The following FAM184B variants were observed in gnomAD, a reference collection of about 807,000 sequenced individuals.
FAM184B encodes family with sequence similarity 184 member B, also known as protein FAM184B.
A neutral mutation model predicts 135.9 loss-of-function variants in FAM184B; 111 were observed. The ratio of observed to expected loss-of-function variants is 0.82; its 90% CI spans 0.70 to 0.96. FAM184B has a LOEUF of 0.96. FAM184B is among the 40% of genes least tolerant of loss of function. The probability of loss-of-function intolerance (pLI) is 0.00; values close to 1 mark genes in which losing one functional copy is unlikely to be tolerated. For synonymous variants in FAM184B, 552 were observed against 524.8 expected, an observed-to-expected ratio of 1.05 and a Z score of -0.71; for missense variants, 1,375 against 1,323.9, an observed-to-expected ratio of 1.04 and a Z score of -0.60.
intron 7 of FAM184B, among the ~76,000 whole-genome samples, chr4:17,677,970 TC>T (rs35859724): frequency 0.51 from 77,923 of 151,994 alleles, 22,799 homozygotes; most frequent in East Asian, 0.82. Flanking sequence ...AAATCCAGCA[TC>T]CCTTTATGGT....
intron 9 of FAM184B, among the ~76,000 whole-genome samples, chr4:17,659,440 T>C (rs1255048141): frequency 1.3e-5 from 2 of 151,770 alleles, no homozygotes; most frequent in South Asian, 2.1e-4. Flanking sequence ...GGTTTGTGCA[T>C]TGATGAATCA....
intron 1 of FAM184B, among the ~76,000 whole-genome samples, chr4:17,725,599 C>T (rs1717621703): frequency 6.6e-6 from 1 of 152,028 alleles, no homozygotes; most frequent in Non-Finnish European, 1.5e-5. Flanking sequence ...TGGGAAGTTG[C>T]CAGTGTGGGT....
At chr4:17,749,949 C>T (rs750301518) in intron 1 of FAM184B, among the ~76,000 whole-genome samples, 3 of 152,004 alleles carry the variant, frequency 2.0e-5, no homozygotes, top group Non-Finnish European at 4.4e-5. Flanking sequence ...TGCTTAACAC[C>T]AATATAAAAT....
At chr4:17,685,573 A>C (rs1252416243) in intron 7 of FAM184B, among the ~76,000 whole-genome samples, 1 of 151,394 alleles carries the variant, frequency 6.6e-6, no homozygotes, top group Non-Finnish European at 1.5e-5. Context: ...AAAAAAAAAA[A>C]AAAAAAGACT....
At chr4:17,725,585 G>T (rs1339285923) in intron 1 of FAM184B, among the ~76,000 whole-genome samples, 2 of 152,108 alleles carry the variant, frequency 1.3e-5, no homozygotes, top group African/African-American at 4.8e-5. Flanking sequence ...TGAAGGTGAG[G>T]GTCTGGGAAG....
intron 8 of FAM184B, 46 bp downstream of exon 8, chr4:17,664,516 G>A: frequency 7.3e-7 from 1 of 1,362,880 alleles, no homozygotes; most frequent in South Asian, 1.3e-5. Flanking sequence ...CCACATCTGA[G>A]TCCTCATTCA....
chr4:17,653,236 CT>C (rs1560168491), intron 10 of FAM184B, among the ~76,000 whole-genome samples: 5 of 152,182 alleles, frequency 3.3e-5, no homozygotes, highest in African/African-American at 1.2e-4. Context: ...ATCAAAGTTC[CT>C]TTAATGTAAA....
In FAM184B at chr4:17,630,178, A is replaced by G. The variant is rs1211463132; in HGVS notation, c.*2354T>C. ...AAAGTGCAGCCTGGGAAAGTGTTTC[A>G]ACACACAAAAATAGAACCACCTGTA... On this transcript the variant is annotated 3_prime_UTR_variant, in exon 18 of 18. Coordinates refer to ENST00000265018, the MANE Select transcript of FAM184B (RefSeq NM_015688.2). The G allele has an allele frequency of 6.6e-6, 1 of 152,238 alleles. No individual in the cohort carries two copies. Among genetic ancestry groups the G allele is most frequent in the African/African-American group, 2.4e-5 (1 of 41,454 alleles). 9.4% of individuals were successfully genotyped at this position (152,238 alleles called of 1,614,324 possible).
chr4:17,743,964 C>T (rs891150194), intron 1 of FAM184B, among the ~76,000 whole-genome samples: 1 of 152,142 alleles, frequency 6.6e-6, no homozygotes, highest in South Asian at 2.1e-4. Context: ...GGGAAAAGTC[C>T]GTTTCCAAGC....
At chr4:17,751,823 GCACA>G (rs3222789) in intron 1 of FAM184B, among the ~76,000 whole-genome samples, 14,683 of 115,758 alleles carry the variant, frequency 0.13, 926 homozygotes, top group Non-Finnish European at 0.15. Flanking sequence ...TAAAAACAAG[GCACA>G]CACACACACA....
chr4:17,641,090 C>T (rs757318644), intron 13 of FAM184B, among the ~76,000 whole-genome samples: 2 of 152,158 alleles, frequency 1.3e-5, no homozygotes, highest in Non-Finnish European at 2.9e-5. Context: ...TGCACCACCA[C>T]GCTTGGCCAA....
rs377677774 is a variant in FAM184B at position 17,758,489 on chromosome 4, G to A, written c.141+22670C>T. 2.6e-5 allele frequency among the ~76,000 whole-genome samples: 4 copies of A among 152,318 alleles called. No individual in the cohort carries two copies. In the South Asian group the frequency reaches 6.2e-4, roughly 24 times the overall value. On this transcript the variant is annotated intron_variant, in intron 1 of 17. Transcript: ENST00000265018. Reference sequence around the variant, plus strand: ...CTGCTGTTGTGAAGACAATTTAGATGGCTGGCTTTTTCAGACACTGGCTTT... The same window carrying A: ...CTGCTGTTGTGAAGACAATTTAGATAGCTGGCTTTTTCAGACACTGGCTTT...
chr4:17,748,927 A>G (rs1377681600), intron 1 of FAM184B, among the ~76,000 whole-genome samples: 1 of 151,830 alleles, frequency 6.6e-6, no homozygotes, highest in Non-Finnish European at 1.5e-5. Flanking sequence ...CCTGGGCTCA[A>G]GTGATTTTCC....
At position 17,705,781 on chromosome 4, in the gene FAM184B, G is replaced by A. The variant is rs1422761354; in HGVS notation, c.1141C>T (p.Pro381Ser). ...QQDQSCLKEC[P>S]CMKGGTDMQT... ...ATATCTGTGCCTCCTTTCATGCAAGGGCACTCCTTGAGACAGCTTTGATCC... is the reference window on the plus strand; with the variant it reads ...ATATCTGTGCCTCCTTTCATGCAAGAGCACTCCTTGAGACAGCTTTGATCC... Residue 381 changes from proline to serine, a missense_variant, in exon 4 of 18, where the codon CCT becomes TCT. Transcript: ENST00000265018. The A allele has an allele frequency of 7.1e-6, 11 of 1,551,706 alleles. No homozygotes were observed. The East Asian group carries it at 2.2e-4, about 31-fold the overall frequency.
intron 5 of FAM184B, 56 bp downstream of exon 5, chr4:17,704,944 A>T (rs2108963833): frequency 6.9e-7 from 1 of 1,443,672 alleles, no homozygotes; most frequent in East Asian, 2.5e-5. Flanking sequence ...AAGGAAAGAA[A>T]GGAGGTGGGA....
chr4:17,666,882 G>A (rs757618402), intron 7 of FAM184B, among the ~76,000 whole-genome samples: 6 of 151,950 alleles, frequency 3.9e-5, no homozygotes, highest in African/African-American at 1.2e-4. Context: ...AATATGTCAC[G>A]GGCCACTCCA....
intron 17 of FAM184B, 21 bp downstream of exon 17, chr4:17,633,668 T>C: frequency 6.7e-7 from 1 of 1,489,816 alleles, no homozygotes; most frequent in Non-Finnish European, 9.0e-7. Context: ...TAAGGGCCCC[T>C]GTCCCCAACA....
chr4:17,758,645 G>A (rs576947387), intron 1 of FAM184B, among the ~76,000 whole-genome samples: 1 of 152,338 alleles, frequency 6.6e-6, no homozygotes, highest in African/African-American at 2.4e-5. Context: ...AAGTGAGGGT[G>A]CTCCTACGGT....
At chr4:17,649,964 C>T (rs1322095337) in intron 11 of FAM184B, among the ~76,000 whole-genome samples, 1 of 151,986 alleles carries the variant, frequency 6.6e-6, no homozygotes, top group Non-Finnish European at 1.5e-5. Context: ...ATCATCCACC[C>T]ATCCGTGTGT....
Sources: allele counts gnomAD v4.1 joint callset (sites outside exome capture counted in the v4.1 genomes callset), GRCh38; gene constraint gnomAD v4.1.1; transcripts MANE v1.5; gene names NCBI Gene and HGNC (gene_info 2026-07-23, HGNC 2026-07-21).